PPP1R9A: variants seen among roughly 807,000 people sequenced by gnomAD.
The protein encoded by PPP1R9A is neurabin-1.
Under a neutral mutation model 141.9 loss-of-function variants are expected in PPP1R9A, and 59 were observed. The ratio of observed to expected loss-of-function variants is 0.42; its 90% CI spans 0.34 to 0.52. PPP1R9A has a LOEUF of 0.52. PPP1R9A is among the 20% of genes least tolerant of loss of function. PPP1R9A has a pLI of 0.10. For synonymous variants in PPP1R9A, 500 were observed against 569.7 expected (o/e 0.88, Z 1.74); for missense variants, 1,444 against 1,611.9 (o/e 0.90, Z 1.78).
intron 2 of PPP1R9A, among the ~76,000 whole-genome samples, chr7:94,982,585 G>A (rs535139694): frequency 1.3e-5 from 2 of 152,296 alleles, no homozygotes; most frequent in African/African-American, 2.4e-5. Context: ...GTGATGATGA[G>A]CATTTTTTCA....
At position 94,966,381 on chromosome 7, in the gene PPP1R9A, C is replaced by T. The variant is rs548000325; in HGVS notation, c.1395+54873C>T. Among the ~76,000 whole-genome samples the T allele has an allele frequency of 2.0e-5, 3 of 152,240 alleles. No homozygotes were observed. The East Asian group carries it at 5.8e-4, about 29-fold the overall frequency. ...GAATAGGAGTGGTGAGAGAGGGCAT[C>T]CTTGTCTTGTGCTGGTTTTCAAAGG... On this transcript the variant is annotated intron_variant, in intron 2 of 19. Transcript: ENST00000433360.
At chr7:94,933,518 G>A (rs1353359657) in intron 2 of PPP1R9A, among the ~76,000 whole-genome samples, 2 of 152,108 alleles carry the variant, frequency 1.3e-5, no homozygotes, top group Non-Finnish European at 2.9e-5. Context: ...ACTGTGAAAA[G>A]GAGGTATACT....
chr7:95,120,850 G>A lies in PPP1R9A; in HGVS notation c.1649+18G>A, dbSNP rs1419685693. On this transcript the variant is annotated intron_variant, in intron 4 of 19. Coordinates refer to ENST00000433360, the MANE Select transcript of PPP1R9A (RefSeq NM_001166160.2). ...GATGGCAGGTAAATTAAGGACTGTT[G>A]TTAATAACTTAAAATCTTTAGAGAA... 1.2e-6 allele frequency: 2 copies of A among 1,605,774 alleles called. No homozygotes were observed. The highest frequency in any genetic ancestry group is 8.5e-7 in the Non-Finnish European group (1 of 1,176,808).
At chr7:95,006,467 T>C (rs1006017546) in intron 2 of PPP1R9A, among the ~76,000 whole-genome samples, 1 of 152,012 alleles carries the variant, frequency 6.6e-6, no homozygotes, top group Non-Finnish European at 1.5e-5. Context: ...TGCCTCAGCC[T>C]CCCAAAGTGC....
At chr7:95,144,202 T>G (rs751241840) in intron 4 of PPP1R9A, among the ~76,000 whole-genome samples, 3 of 152,184 alleles carry the variant, frequency 2.0e-5, no homozygotes, top group Non-Finnish European at 4.4e-5. Context: ...TGTTTTTGTG[T>G]GTTTGACTTT....
chr7:95,074,128 CA>C (rs1310349501), intron 2 of PPP1R9A, among the ~76,000 whole-genome samples: 1 of 152,118 alleles, frequency 6.6e-6, no homozygotes, highest in Non-Finnish European at 1.5e-5. Flanking sequence ...GTGAACAATA[CA>C]AATGTCTATC....
intron 2 of PPP1R9A, among the ~76,000 whole-genome samples, chr7:94,913,730 T>A (rs1320559327): frequency 6.6e-6 from 1 of 152,180 alleles, no homozygotes; most frequent in African/African-American, 2.4e-5. Flanking sequence ...TTTTTTTTGC[T>A]GCAGAGGGTG....
chr7:95,078,137 C>G lies in PPP1R9A; in HGVS notation c.1396-33122C>G, dbSNP rs549706529. Among the ~76,000 whole-genome samples, 7 of 118,428 alleles carry G rather than the reference C, an allele frequency of 5.9e-5. No individual in the cohort carries two copies. The South Asian group carries it at 1.7e-3, about 29-fold the overall frequency. 77.7% of individuals were successfully genotyped at this position (118,428 alleles called of 152,430 possible). ...TAAAGCTATCCCTCCCCCCTCCCCCCACCCCACATCAGTCCCCAGAGTGTG... is the reference window on the plus strand; with the variant it reads ...TAAAGCTATCCCTCCCCCCTCCCCCGACCCCACATCAGTCCCCAGAGTGTG... On this transcript the variant is annotated intron_variant, in intron 2 of 19. Transcript: ENST00000433360.
rs1806963200 is a variant in PPP1R9A at position 95,295,347 on chromosome 7, A to T, written c.*5044A>T. On this transcript the variant is annotated 3_prime_UTR_variant, in exon 20 of 20. Coordinates refer to ENST00000433360, the MANE Select transcript of PPP1R9A (RefSeq NM_001166160.2). ...TTTTGGTAAAATTGATTTATCAGAT[A>T]CTTGGTATTTTAGTAAGAAAATTTC... The T allele has an allele frequency of 6.6e-6, 1 of 152,618 alleles. No homozygotes were observed. The highest frequency in any genetic ancestry group is 1.5e-5 in the Non-Finnish European group (1 of 68,028). 9.5% of individuals were successfully genotyped at this position (152,618 alleles called of 1,614,324 possible). A position where few individuals can be genotyped will look rare whatever the true frequency, so the allele number is the denominator to read the frequency against.
At chr7:95,079,592 G>A (rs1815456590) in intron 2 of PPP1R9A, among the ~76,000 whole-genome samples, 2 of 151,812 alleles carry the variant, frequency 1.3e-5, no homozygotes. Flanking sequence ...CATTTTATGA[G>A]GCCAGCATCA....
chr7:95,190,532 C>G (rs1835345898), intron 5 of PPP1R9A, among the ~76,000 whole-genome samples: 2 of 152,206 alleles, frequency 1.3e-5, no homozygotes, highest in Admixed American at 1.3e-4. Context: ...GTCACGTGGA[C>G]ACACTGAGAA....
intron 2 of PPP1R9A, among the ~76,000 whole-genome samples, chr7:95,097,170 C>A (rs1046009022): frequency 3.3e-5 from 5 of 152,144 alleles, no homozygotes; most frequent in African/African-American, 1.2e-4. Flanking sequence ...ATTACAGGCA[C>A]CTGCCACTAC....
intron 2 of PPP1R9A, among the ~76,000 whole-genome samples, chr7:95,078,047 G>T (rs1478373695): frequency 6.8e-6 from 1 of 147,796 alleles, no homozygotes; most frequent in Non-Finnish European, 1.5e-5. Flanking sequence ...AGTTACATAT[G>T]TATACATGTG....
chr7:95,063,093 T>G (rs1812464245), intron 2 of PPP1R9A, among the ~76,000 whole-genome samples: 1 of 152,218 alleles, frequency 6.6e-6, no homozygotes, highest in African/African-American at 2.4e-5. Flanking sequence ...TGATGTGATT[T>G]CTTGGCAGGG....
intron 2 of PPP1R9A, among the ~76,000 whole-genome samples, chr7:94,996,799 G>GTTTTT: frequency 9.0e-6 from 1 of 111,636 alleles, no homozygotes; most frequent in Non-Finnish European, 1.8e-5. Flanking sequence ...GATACTCTGT[G>GTTTTT]TTTTTTTTTT....
rs1329617534 is a variant in PPP1R9A at position 95,290,336 on chromosome 7, C to G, written c.*33C>G. On this transcript the variant is annotated 3_prime_UTR_variant, in exon 20 of 20. Transcript: ENST00000433360. ...CCTCTTACAGATGATGGAGATGCTC[C>G]AAGAGAAGTCCCCACCTCTTCCTGC... The G allele has an allele frequency of 6.4e-7, 1 of 1,574,286 alleles. No homozygotes were observed. Among genetic ancestry groups the G allele is most frequent in the Non-Finnish European group, 8.6e-7 (1 of 1,158,054 alleles).
At chr7:94,924,640 C>T (rs1793242862) in intron 2 of PPP1R9A, among the ~76,000 whole-genome samples, 3 of 152,062 alleles carry the variant, frequency 2.0e-5, no homozygotes, top group Admixed American at 6.5e-5. Flanking sequence ...GCGATTCTCC[C>T]ACCTCAGCCT....
chr7:95,219,124 G>A (rs1027054694), intron 7 of PPP1R9A, among the ~76,000 whole-genome samples: 2 of 152,258 alleles, frequency 1.3e-5, no homozygotes, highest in South Asian at 2.1e-4. Context: ...TCCTTTCCAT[G>A]TTTAATGCTT....
At chr7:95,203,002 T>A (rs2152876556) in intron 6 of PPP1R9A, among the ~76,000 whole-genome samples, 1 of 152,214 alleles carries the variant, frequency 6.6e-6, no homozygotes, top group East Asian at 1.9e-4. Flanking sequence ...TAGATAGCAT[T>A]TCAAAGTCTC....
Sources: gnomAD v4.1 joint callset for allele counts (sites outside exome capture counted in the v4.1 genomes callset) on GRCh38, gnomAD v4.1.1 for gene constraint, MANE v1.5 for transcripts, NCBI Gene and HGNC (gene_info 2026-07-23, HGNC 2026-07-21) for gene names.